Variants in SPON1 observed in about 807,000 individuals in gnomAD.
SPON1 encodes spondin-1.
In SPON1, 52 loss-of-function variants were observed where a neutral mutation model predicts 111.7. The ratio of observed to expected loss-of-function variants is 0.47; its 90% confidence interval spans 0.37 to 0.59. The LOEUF (loss-of-function observed/expected upper bound fraction) is 0.59, where lower values mean the gene tolerates loss of function less well. SPON1 is among the 20% of genes least tolerant of loss of function. The pLI, the probability that SPON1 is intolerant of heterozygous loss-of-function variation, is 0.00. For missense variants in SPON1, 957 were observed against 1,068.5 expected, an observed-to-expected ratio of 0.90 and a Z score of 1.46; for synonymous variants, 410 against 395.8, an observed-to-expected ratio of 1.04 and a Z score of -0.43.
At chr11:14,256,156 A>G (rs1849104708) in intron 9 of SPON1, among the ~76,000 whole-genome samples, 1 of 152,208 alleles carries the variant, frequency 6.6e-6, no homozygotes, top group Admixed American at 6.5e-5. Flanking sequence ...CTAAGGCAGG[A>G]GAATTGCTTG....
At chr11:14,150,966 C>T (rs1047645883) in intron 6 of SPON1, among the ~76,000 whole-genome samples, 2 of 152,138 alleles carry the variant, frequency 1.3e-5, no homozygotes, top group Non-Finnish European at 2.9e-5. Context: ...TTTGTTGTTA[C>T]GTTCTCTGTG....
At chr11:14,003,246 G>A (rs1218727519) in intron 2 of SPON1, among the ~76,000 whole-genome samples, 5 of 152,152 alleles carry the variant, frequency 3.3e-5, no homozygotes, top group Non-Finnish European at 7.3e-5. Flanking sequence ...CCTGAAGTGG[G>A]GCTGGTTGGG....
Position 13,982,863 on chromosome 11 carries a change from T to A in SPON1, c.255T>A (p.Ala85=). Residue 85 remains alanine, a synonymous_variant, in exon 2 of 16, where the codon GCT becomes GCA. Transcript: ENST00000576479. ...GTSYRVTLSA[A]PPSYFRGFTL... is the part of the protein sequence containing the mutation. ...TCTCTGCAGTAACACTTTCAGCTGCTCCTCCCTCCTACTTCAGAGGATTCA... is the reference window on the plus strand; with the variant it reads ...TCTCTGCAGTAACACTTTCAGCTGCACCTCCCTCCTACTTCAGAGGATTCA... 4.5e-6 allele frequency: 7 copies of A among 1,559,216 alleles called. No homozygotes were observed. The highest frequency in any genetic ancestry group is 6.1e-6 in the Non-Finnish European group (7 of 1,150,346).
chr11:14,257,706 C>G lies in SPON1; in HGVS notation c.1310-10C>G. The stretch of plus-strand genomic sequence containing the variant: ...GTTCCCAGGGAAAACATGTCAAACA[C>G]TCTTTCCAGATGACACCCCTGAAAC... On this transcript the variant is annotated splice_polypyrimidine_tract_variant and intron_variant, in intron 10 of 15. Transcript: ENST00000576479. The G allele has an allele frequency of 6.3e-7, 1 of 1,598,554 alleles. No individual in the cohort carries two copies. Among genetic ancestry groups the G allele is most frequent in the Non-Finnish European group, 8.5e-7 (1 of 1,170,924 alleles).
At chr11:14,018,594 A>G (rs1848459429) in intron 2 of SPON1, among the ~76,000 whole-genome samples, 1 of 152,192 alleles carries the variant, frequency 6.6e-6, no homozygotes, top group Non-Finnish European at 1.5e-5. Context: ...AAGTAAACAA[A>G]TGACTAAACT....
intron 5 of SPON1, among the ~76,000 whole-genome samples, chr11:14,085,169 T>C (rs989921652): frequency 2.0e-5 from 3 of 152,228 alleles, no homozygotes; most frequent in Non-Finnish European, 2.9e-5. Context: ...TTTGTCAATT[T>C]TGGCTTTTGT....
At chr11:13,991,153 T>C (rs1848226819) in intron 2 of SPON1, among the ~76,000 whole-genome samples, 1 of 152,230 alleles carries the variant, frequency 6.6e-6, no homozygotes, top group Non-Finnish European at 1.5e-5. Context: ...TCCTGGATAA[T>C]ATCCTGAAAA....
At chr11:14,226,487 T>G (rs1205576718) in intron 6 of SPON1, among the ~76,000 whole-genome samples, 1 of 152,226 alleles carries the variant, frequency 6.6e-6, no homozygotes, top group East Asian at 1.9e-4. Flanking sequence ...GGTTCACTGT[T>G]GCTGTCCAGC....
At chr11:14,062,002 G>A (rs1343989112) in intron 3 of SPON1, among the ~76,000 whole-genome samples, 3 of 152,208 alleles carry the variant, frequency 2.0e-5, no homozygotes, top group South Asian at 2.1e-4. Context: ...TGGGATGTGG[G>A]AGAGCTTGGC....
intron 6 of SPON1, among the ~76,000 whole-genome samples, chr11:14,215,264 C>T (rs1848615228): frequency 6.6e-6 from 1 of 152,162 alleles, no homozygotes; most frequent in African/African-American, 2.4e-5. Flanking sequence ...TTTATGGCCA[C>T]AAGATCAGTA....
chr11:14,032,899 AG>A (rs1554916231), intron 2 of SPON1, among the ~76,000 whole-genome samples: 1 of 152,044 alleles, frequency 6.6e-6, no homozygotes, highest in African/African-American at 2.4e-5. Flanking sequence ...CCTGTTCTTC[AG>A]GCCCAGCCCA....
intron 7 of SPON1, among the ~76,000 whole-genome samples, chr11:14,246,844 G>A (rs1168339731): frequency 6.6e-6 from 1 of 152,194 alleles, no homozygotes; most frequent in Non-Finnish European, 1.5e-5. Flanking sequence ...AGGGGGGTTA[G>A]AGATAGCTTC....
At chr11:14,092,410 T>C (rs1849066804) in intron 5 of SPON1, among the ~76,000 whole-genome samples, 1 of 152,204 alleles carries the variant, frequency 6.6e-6, no homozygotes, top group Non-Finnish European at 1.5e-5. Flanking sequence ...ATAGGTAAGA[T>C]AGCAACCTAA....
intron 5 of SPON1, among the ~76,000 whole-genome samples, chr11:14,090,824 G>GCTC (rs1849046461): frequency 2.2e-5 from 1 of 45,580 alleles, no homozygotes; most frequent in Non-Finnish European, 3.9e-5. Flanking sequence ...CTCTTATCTG[G>GCTC]CCCCCCCCCC....
At chr11:14,137,421 A>G (rs1309254550) in intron 6 of SPON1, among the ~76,000 whole-genome samples, 1 of 152,168 alleles carries the variant, frequency 6.6e-6, no homozygotes, top group Non-Finnish European at 1.5e-5. Flanking sequence ...AAGTTTAATT[A>G]TGGGTACCGC....
At chr11:14,054,485 C>G (rs1334237170) in intron 3 of SPON1, among the ~76,000 whole-genome samples, 4 of 152,100 alleles carry the variant, frequency 2.6e-5, no homozygotes, top group Admixed American at 1.3e-4. Flanking sequence ...ACAATGATAT[C>G]AGAATTGCTC....
chr11:14,226,736 A>G lies in SPON1; in HGVS notation c.826-16596A>G, dbSNP rs1231951037. Among the ~76,000 whole-genome samples the G allele has an allele frequency of 2.0e-5, 3 of 152,192 alleles. No individual in the cohort carries two copies. The East Asian group carries it at 5.8e-4, about 29-fold the overall frequency. Reference sequence around the variant, plus strand: ...GTTGCTGTTGTAACAAATTACCCACAAATCTGGTGCCTTGGGGTAACACAA... The same window carrying G: ...GTTGCTGTTGTAACAAATTACCCACGAATCTGGTGCCTTGGGGTAACACAA... On this transcript the variant is annotated intron_variant, in intron 6 of 15. Transcript: ENST00000576479.
rs147093307 is a variant in SPON1 at position 14,132,603 on chromosome 11, C to T, written c.677-2817C>T. On this transcript the variant is annotated intron_variant, in intron 5 of 15. Coordinates refer to ENST00000576479, the MANE Select transcript of SPON1 (RefSeq NM_006108.4). The stretch of plus-strand genomic sequence containing the variant: ...CCCCAGACTGTGAGTCCCTTCAGGG[C>T]AACACCATATCCAGTCCTCCTCAGT... Among the ~76,000 whole-genome samples, 13 of 152,280 alleles carry T rather than the reference C, an allele frequency of 8.5e-5. No homozygotes were observed. The East Asian group carries it at 2.5e-3, about 29-fold the overall frequency.
At chr11:14,147,136 T>A (rs1847730328) in intron 6 of SPON1, among the ~76,000 whole-genome samples, 1 of 144,586 alleles carries the variant, frequency 6.9e-6, no homozygotes, top group African/African-American at 2.5e-5. Context: ...TTCAAGCAAT[T>A]CTCCTGTCTC....
Sources: gnomAD v4.1 joint callset for allele counts (sites outside exome capture counted in the v4.1 genomes callset) on GRCh38, gnomAD v4.1.1 for gene constraint, MANE v1.5 for transcripts, NCBI Gene and HGNC (gene_info 2026-07-23, HGNC 2026-07-21) for gene names.